LRBA: variants seen among roughly 807,000 people sequenced by gnomAD.
LRBA encodes LPS responsive beige-like anchor protein, also known as lipopolysaccharide-responsive and beige-like anchor protein.
Under a neutral mutation model 330.0 loss-of-function variants are expected in LRBA, and 176 were observed. That is an observed-to-expected ratio of 0.53 (90% CI 0.47 to 0.60). LRBA has a LOEUF of 0.60. Ranked by LOEUF, LRBA falls within the 20% of genes least tolerant of loss-of-function variation. The pLI is 0.00. For synonymous variants in LRBA, 1,230 were observed against 1,193.0 expected, an observed-to-expected ratio of 1.03 and a Z score of -0.64; for missense variants, 3,259 against 3,444.8, an observed-to-expected ratio of 0.95 and a Z score of 1.35.
chr4:150,914,349 A>G lies in LRBA; in HGVS notation c.1015-8T>C, dbSNP rs762827813. On this transcript the variant is annotated splice_polypyrimidine_tract_variant and splice_region_variant and intron_variant, in intron 8 of 56. Coordinates refer to ENST00000651943, the MANE Select transcript of LRBA (RefSeq NM_001364905.1). ...GAAACATTTGTCAAAGGTCTGTAAA[A>G]GAAAAAAAAAAAGGAATTAGGAAAA... The G allele has an allele frequency of 4.0e-6, 6 of 1,493,976 alleles. No individual in the cohort carries two copies. Among genetic ancestry groups the G allele is most frequent in the Non-Finnish European group, 5.4e-6 (6 of 1,118,420 alleles). 92.5% of individuals were successfully genotyped at this position (1,493,976 alleles called of 1,614,324 possible). A position where few individuals can be genotyped will look rare whatever the true frequency, so the allele number is the denominator to read the frequency against.
At position 150,411,300 on chromosome 4, in the gene LRBA, G is replaced by A. The variant is rs544660392; in HGVS notation, c.7194+4138C>T. On this transcript the variant is annotated intron_variant, in intron 47 of 56. Transcript: ENST00000651943. ...TTACAGAAAACTGAGGATAAGAGTC[G>A]TTGGGTGAGACAGTAGTTACAGTCC... 1.3e-4 allele frequency among the ~76,000 whole-genome samples: 20 copies of A among 152,216 alleles called. No individual in the cohort carries two copies. The South Asian group carries it at 3.7e-3, about 28-fold the overall frequency.
intron 2 of LRBA, among the ~76,000 whole-genome samples, chr4:151,000,840 CA>C (rs570771509): frequency 1.3e-5 from 2 of 152,164 alleles, no homozygotes; most frequent in Non-Finnish European, 2.9e-5. Flanking sequence ...AGAAAAATGA[CA>C]AGAAACACCT....
At chr4:150,851,612 G>A (rs1017721452) in intron 23 of LRBA, among the ~76,000 whole-genome samples, 1 of 152,162 alleles carries the variant, frequency 6.6e-6, no homozygotes, top group Non-Finnish European at 1.5e-5. Context: ...TCCAATATTT[G>A]TTTTATAAAC....
chr4:150,526,974 T>C (rs1352827022), intron 40 of LRBA, among the ~76,000 whole-genome samples: 2 of 151,920 alleles, frequency 1.3e-5, no homozygotes, highest in Non-Finnish European at 2.9e-5. Flanking sequence ...TTCAAGTTTT[T>C]AATCAATGAG....
At chr4:150,616,684 G>C (rs1218109464) in intron 37 of LRBA, among the ~76,000 whole-genome samples, 1 of 152,156 alleles carries the variant, frequency 6.6e-6, no homozygotes, top group East Asian at 1.9e-4. Flanking sequence ...GCAAGTTCAA[G>C]AGAGAATAGG....
At chr4:150,977,949 C>G (rs1466842299) in intron 2 of LRBA, among the ~76,000 whole-genome samples, 1 of 152,256 alleles carries the variant, frequency 6.6e-6, no homozygotes, top group East Asian at 1.9e-4. Context: ...CTGCCAAGGG[C>G]CTCAGGAAAC....
At chr4:150,376,702 A>C (rs1055729334) in intron 47 of LRBA, among the ~76,000 whole-genome samples, 2 of 152,258 alleles carry the variant, frequency 1.3e-5, no homozygotes, top group Non-Finnish European at 2.9e-5. Flanking sequence ...ACACTGTGTT[A>C]GAAAGAAAAC....
At chr4:150,580,047 C>T (rs1245139649) in intron 40 of LRBA, 1 of 243,806 alleles carries the variant, frequency 4.1e-6, no homozygotes, top group Admixed American at 5.4e-5. Context: ...GGCAAGGCCT[C>T]CCGGGTTAGA....
chr4:150,867,124 A>C lies in LRBA; in HGVS notation c.2766+547T>G, dbSNP rs1461818082. 5.9e-5 allele frequency among the ~76,000 whole-genome samples: 9 copies of C among 151,432 alleles called. 1 individual carries two copies. In the South Asian group the frequency reaches 8.3e-4, roughly 14 times the overall value. ...CTTTGGCTTAATTTAAAAAAAAAAA[A>C]AAAAAAAAACTACATTCTTCCAAAC... On this transcript the variant is annotated intron_variant, in intron 22 of 56. Coordinates refer to ENST00000651943, the MANE Select transcript of LRBA (RefSeq NM_001364905.1).
At chr4:150,936,525 T>C (rs1735093980) in intron 2 of LRBA, among the ~76,000 whole-genome samples, 1 of 151,906 alleles carries the variant, frequency 6.6e-6, no homozygotes, top group African/African-American at 2.4e-5. Flanking sequence ...AGAATTGCAG[T>C]GATTCAGAAA....
At chr4:150,944,902 T>G (rs1458500624) in intron 2 of LRBA, among the ~76,000 whole-genome samples, 1 of 152,122 alleles carries the variant, frequency 6.6e-6, no homozygotes, top group African/African-American at 2.4e-5. Flanking sequence ...TCTCACAAGA[T>G]CTGATGGTTT....
chr4:150,610,801 C>A (rs897949192), intron 37 of LRBA, among the ~76,000 whole-genome samples: 1 of 152,076 alleles, frequency 6.6e-6, no homozygotes, highest in Non-Finnish European at 1.5e-5. Flanking sequence ...TAGACATTGA[C>A]TCATTGGGAA....
chr4:150,656,899 T>C (rs571875072), intron 37 of LRBA, among the ~76,000 whole-genome samples: 38 of 152,326 alleles, frequency 2.5e-4, no homozygotes, highest in African/African-American at 8.9e-4. Context: ...AGAAACAGTA[T>C]CTGCCTTAAG....
rs1032290659 is a variant in LRBA, at chr4:150,928,833, C to A, written c.448+1G>T. On this transcript the variant is annotated splice_donor_variant, in intron 3 of 56. Transcript: ENST00000651943. LOFTEE classifies it high-confidence loss of function. ...ATATTGTACTATAGAAAAAATCATA[C>A]CTGCTATCATATTGTCAACTTTTTC... The A allele has an allele frequency of 3.1e-6, 5 of 1,608,094 alleles. No individual in the cohort carries two copies. The highest frequency in any genetic ancestry group is 4.3e-6 in the Non-Finnish European group (5 of 1,175,096).
At chr4:150,507,645 T>C (rs1356228442) in intron 40 of LRBA, among the ~76,000 whole-genome samples, 1 of 152,096 alleles carries the variant, frequency 6.6e-6, no homozygotes, top group Admixed American at 6.5e-5. Context: ...ACCTAGGCAA[T>C]ACCATTCAGG....
chr4:150,530,303 G>C, intron 40 of LRBA, among the ~76,000 whole-genome samples: 1 of 152,068 alleles, frequency 6.6e-6, no homozygotes. Context: ...AATCATCAAG[G>C]GAGTATAGAA....
At chr4:151,014,200 A>T (rs917691345) in intron 2 of LRBA, 8 of 461,784 alleles carry the variant, frequency 1.7e-5, no homozygotes, top group African/African-American at 1.9e-5. Flanking sequence ...TCCTTAGCAC[A>T]AAAGTGATGT....
At chr4:150,903,818 C>G (rs971536447) in intron 13 of LRBA, among the ~76,000 whole-genome samples, 6 of 152,160 alleles carry the variant, frequency 3.9e-5, no homozygotes, top group African/African-American at 7.2e-5. Context: ...TAAACCTTCC[C>G]TCATTCACTC....
chr4:150,903,248 G>A (rs1730955394), intron 13 of LRBA, among the ~76,000 whole-genome samples: 1 of 152,082 alleles, frequency 6.6e-6, no homozygotes, highest in Admixed American at 6.5e-5. Context: ...AGCTGGGAAT[G>A]GTGGCGCACA....
Sources: gnomAD v4.1 joint callset for allele counts (sites outside exome capture counted in the v4.1 genomes callset) on GRCh38, gnomAD v4.1.1 for gene constraint, MANE v1.5 for transcripts, NCBI Gene and HGNC (gene_info 2026-07-23, HGNC 2026-07-21) for gene names.